The following PKD1L1 variants were observed in gnomAD, a reference collection of about 807,000 sequenced individuals.
The protein encoded by PKD1L1 is polycystin 1 like 1, transient receptor potential channel interacting, also known as polycystin-1-like protein 1.
PKD1L1 carries 236 observed loss-of-function variants against 323.4 expected under a neutral mutation model. The observed-to-expected ratio is 0.73, with a 90% confidence interval of 0.66 to 0.81. The LOEUF (loss-of-function observed/expected upper bound fraction) is 0.81, where lower values mean the gene tolerates loss of function less well. PKD1L1 is among the 40% of genes least tolerant of loss of function. PKD1L1 has a pLI of 0.00. For missense variants in PKD1L1, 3,320 were observed against 3,508.0 expected (o/e 0.95, Z 1.35); for synonymous variants, 1,344 against 1,335.0 (o/e 1.01, Z -0.15).
At chr7:47,899,383 G>C (rs1409162090) in intron 13 of PKD1L1, among the ~76,000 whole-genome samples, 1 of 151,854 alleles carries the variant, frequency 6.6e-6, no homozygotes, top group Non-Finnish European at 1.5e-5. Flanking sequence ...AAGCATATTT[G>C]CTCACTTTAA....
rs139401710 is a variant in PKD1L1 at position 47,777,578 on chromosome 7, C to A, written c.8527-2412G>T. 1.1e-4 allele frequency among the ~76,000 whole-genome samples: 16 copies of A among 152,212 alleles called. No homozygotes were observed. In the East Asian group the frequency reaches 2.1e-3, roughly 20 times the overall value. On this transcript the variant is annotated intron_variant, in intron 56 of 56. Transcript: ENST00000289672. Reference sequence around the variant, plus strand: ...CATCATTTACAGTCAAAACTATTGTCAAAGGTTATAAATAATAATATAATT... The same window carrying A: ...CATCATTTACAGTCAAAACTATTGTAAAAGGTTATAAATAATAATATAATT...
At chr7:47,918,595 C>T (rs1459839375) in intron 7 of PKD1L1, among the ~76,000 whole-genome samples, 1 of 152,072 alleles carries the variant, frequency 6.6e-6, no homozygotes, top group Non-Finnish European at 1.5e-5. Flanking sequence ...AGAACTTTCT[C>T]CAAGATAGAC....
At chr7:47,850,808 A>T (rs1184045023) in intron 31 of PKD1L1, among the ~76,000 whole-genome samples, 1 of 152,146 alleles carries the variant, frequency 6.6e-6, no homozygotes, top group African/African-American at 2.4e-5. Flanking sequence ...GTAAAGTCAA[A>T]ACTAAACAAA....
chr7:47,896,248 G>C (rs750621516), intron 14 of PKD1L1, among the ~76,000 whole-genome samples: 13 of 148,692 alleles, frequency 8.7e-5, no homozygotes, highest in Non-Finnish European at 1.9e-4. Context: ...AGGATCACTT[G>C]AGCCCAGGAG....
chr7:47,846,834 G>A, intron 32 of PKD1L1, 45 bp downstream of exon 32: 1 of 1,545,272 alleles, frequency 6.5e-7, no homozygotes, highest in Non-Finnish European at 8.7e-7. Flanking sequence ...AGACAAGGCA[G>A]TCATTTACTA....
chr7:47,820,991 G>T, intron 46 of PKD1L1, 85 bp downstream of exon 46: 1 of 753,234 alleles, frequency 1.3e-6, no homozygotes, highest in South Asian at 1.9e-5. Flanking sequence ...TTTCATATGT[G>T]GGATGTGAAA....
chr7:47,864,628 C>CTTTCT (rs1562964080), intron 26 of PKD1L1, among the ~76,000 whole-genome samples: 1 of 139,282 alleles, frequency 7.2e-6, no homozygotes, highest in East Asian at 2.0e-4. Context: ...TTCTTTCTTT[C>CTTTCT]TTTCTTTCCT....
intron 56 of PKD1L1, among the ~76,000 whole-genome samples, chr7:47,786,243 G>A (rs1213453949): frequency 5.3e-5 from 8 of 150,698 alleles, no homozygotes; most frequent in African/African-American, 1.5e-4. Flanking sequence ...TGTGACGGGG[G>A]CTACGTAAAC....
At chr7:47,909,343 A>G (rs547454727) in intron 8 of PKD1L1, among the ~76,000 whole-genome samples, 325 of 152,200 alleles carry the variant, frequency 2.1e-3, no homozygotes, top group Non-Finnish European at 4.1e-3. Context: ...CAGGCCCACA[A>G]CTGATGCATC....
At chr7:47,922,205 C>A (rs1787558376) in intron 7 of PKD1L1, among the ~76,000 whole-genome samples, 1 of 152,220 alleles carries the variant, frequency 6.6e-6, no homozygotes, top group Admixed American at 6.5e-5. Context: ...GAGTCTAGCT[C>A]ACTCAGTGCT....
Position 47,908,231 on chromosome 7 carries a change from C to A in PKD1L1, c.1248G>T (p.Lys416Asn). The change falls in exon 9 of 57, where the codon AAG becomes AAT. Residue 416 changes from lysine to asparagine, a missense_variant. Physicochemically the swap from Lys to Asn is moderately conservative, Grantham distance 94. Coordinates refer to ENST00000289672, the MANE Select transcript of PKD1L1 (RefSeq NM_138295.5). ...CATGAAACTCGTTATAAATAACAGC[C>A]TTGAGCATATAGACTCCTTCTGGAA... ...AFVTKGVYML[K>N]AVIYNEFHGT... 6.2e-7 allele frequency: 1 copy of A among 1,613,952 alleles called. No individual in the cohort carries two copies. The highest frequency in any genetic ancestry group is 8.5e-7 in the Non-Finnish European group (1 of 1,179,942).
chr7:47,808,516 A>G, intron 51 of PKD1L1, 129 bp from the exon 52 acceptor site: 1 of 1,133,152 alleles, frequency 8.8e-7, no homozygotes. Context: ...TGAGAAATGC[A>G]TCGCTGGGTG....
Position 47,891,053 on chromosome 7 carries a change from C to T in PKD1L1, c.2454-290G>A, listed in dbSNP as rs191510466. Among the ~76,000 whole-genome samples, 324 of 152,274 alleles carry T rather than the reference C, an allele frequency of 2.1e-3. 2 individuals carry two copies. The highest frequency in any genetic ancestry group is 7.8e-3 in the Admixed American group (119 of 15,306). On this transcript the variant is annotated intron_variant, in intron 15 of 56. Coordinates refer to ENST00000289672, the MANE Select transcript of PKD1L1 (RefSeq NM_138295.5). ...CTTCCTAACCCTTCTCTGCGCACAG[C>T]GACCTCCTCTGCTCACATGACTGCC...
intron 32 of PKD1L1, 35 bp from the exon 33 acceptor site, chr7:47,845,113 G>A: frequency 6.4e-7 from 1 of 1,566,606 alleles, no homozygotes; most frequent in Non-Finnish European, 8.8e-7. Flanking sequence ...TACAGAATGT[G>A]TGGAGAGAGC....
In PKD1L1 at chr7:47,866,578, C is replaced by T. The variant is rs769493202; in HGVS notation, c.3933G>A (p.Gln1311=). The T allele has an allele frequency of 2.5e-6, 4 of 1,611,030 alleles. No individual in the cohort carries two copies. In the Admixed American group the frequency reaches 6.7e-5, roughly 27 times the overall value. The change falls in exon 25 of 57, where the codon CAG becomes CAA. Residue 1311 remains glutamine, a synonymous_variant. Coordinates refer to ENST00000289672, the MANE Select transcript of PKD1L1 (RefSeq NM_138295.5). ...TGATTTCTGTGTAACTCCCCATCAG[C>T]TGGAGGGTAGAAAGGTTTTTCAGGC... ...NSSLKNLSTL[Q]LMGSYTEIRN...
At chr7:47,807,105 C>A (rs1388282994) in intron 52 of PKD1L1, among the ~76,000 whole-genome samples, 1 of 152,132 alleles carries the variant, frequency 6.6e-6, no homozygotes, top group Non-Finnish European at 1.5e-5. Context: ...CCCTGCCAAT[C>A]TGTGAGTGAC....
intron 31 of PKD1L1, among the ~76,000 whole-genome samples, chr7:47,849,872 A>G (rs1454370704): frequency 6.6e-6 from 1 of 152,236 alleles, no homozygotes; most frequent in African/African-American, 2.4e-5. Context: ...ATTTGCAGCA[A>G]CCTGGATGGA....
At chr7:47,823,240 CCTA>C (rs767688187) in intron 45 of PKD1L1, among the ~76,000 whole-genome samples, 10 of 152,050 alleles carry the variant, frequency 6.6e-5, no homozygotes, top group Non-Finnish European at 1.2e-4. Flanking sequence ...CTTTTCTATT[CCTA>C]CTTCTAGTCC....
chr7:47,929,391 G>A lies in PKD1L1; in HGVS notation c.873C>T (p.Asn291=), dbSNP rs758324771. ...ILARNSDNFM[N]PVLNCSLEVE... ...CTTCCAGGGAGCAATTAAGAACAGG[G>A]TTCATGAAGTTATCAGAATTTCGAG... The change falls in exon 7 of 57, where the codon AAC becomes AAT. Residue 291 remains asparagine, a synonymous_variant. Coordinates refer to ENST00000289672, the MANE Select transcript of PKD1L1 (RefSeq NM_138295.5). The A allele has an allele frequency of 3.1e-6, 5 of 1,614,216 alleles. No individual in the cohort carries two copies. Among genetic ancestry groups the A allele is most frequent in the Non-Finnish European group, 4.2e-6 (5 of 1,180,044 alleles).
Sources: allele counts gnomAD v4.1 joint callset (sites outside exome capture counted in the v4.1 genomes callset), GRCh38; gene constraint gnomAD v4.1.1; transcripts MANE v1.5; gene names NCBI Gene and HGNC (gene_info 2026-07-23, HGNC 2026-07-21).